CDH22: variants seen among roughly 807,000 people sequenced by gnomAD.
CDH22 encodes cadherin 22, also known as cadherin-22.
A neutral mutation model predicts 58.4 loss-of-function variants in CDH22; 30 were observed. The ratio of observed to expected loss-of-function variants is 0.51; its 90% CI spans 0.38 to 0.70. The LOEUF (loss-of-function observed/expected upper bound fraction) is 0.70. Among genes scored for constraint, CDH22 ranks in the 30% least tolerant of loss-of-function variants. The pLI, the probability that CDH22 is intolerant of heterozygous loss-of-function variation, is 0.00. For missense variants in CDH22, 1,014 were observed against 1,233.9 expected (o/e 0.82, Z 2.67); for synonymous variants, 513 against 558.2 (o/e 0.92, Z 1.14).
chr20:46,275,394 C>T (rs952690001), intron 1 of CDH22, among the ~76,000 whole-genome samples: 2 of 152,224 alleles, frequency 1.3e-5, no homozygotes, highest in African/African-American at 4.8e-5. Context: ...GCAACCCGAC[C>T]ACTCCACCTA....
At chr20:46,268,309 C>G (rs1426420534) in intron 1 of CDH22, among the ~76,000 whole-genome samples, 1 of 152,264 alleles carries the variant, frequency 6.6e-6, no homozygotes. Context: ...GCTGTGATCA[C>G]AGCAGGATCA....
At chr20:46,279,176 G>A (rs929237007) in intron 1 of CDH22, among the ~76,000 whole-genome samples, 6 of 152,184 alleles carry the variant, frequency 3.9e-5, no homozygotes, top group African/African-American at 7.2e-5. Context: ...ATGCGCACAC[G>A]CTCTCCTACA....
intron 1 of CDH22, among the ~76,000 whole-genome samples, chr20:46,303,034 G>A (rs1019031735): frequency 2.0e-5 from 3 of 152,064 alleles, no homozygotes; most frequent in Non-Finnish European, 4.4e-5. Context: ...GAATCTCCAC[G>A]CGCCACTCCC....
chr20:46,252,130 A>G (rs141833804), intron 1 of CDH22, among the ~76,000 whole-genome samples: 14 of 151,968 alleles, frequency 9.2e-5, no homozygotes, highest in South Asian at 2.1e-4. Context: ...CTTGGTGCAC[A>G]GAAGTCCAGC....
At chr20:46,202,052 G>C (rs1367356077) in intron 7 of CDH22, among the ~76,000 whole-genome samples, 3 of 152,144 alleles carry the variant, frequency 2.0e-5, no homozygotes, top group Admixed American at 6.5e-5. Flanking sequence ...CCATTTTACA[G>C]ATGAAGACAC....
chr20:46,301,529 G>T (rs1204576733), intron 1 of CDH22, among the ~76,000 whole-genome samples: 1 of 151,380 alleles, frequency 6.6e-6, no homozygotes, highest in Non-Finnish European at 1.5e-5. Flanking sequence ...GTATATATAT[G>T]GCTGGGTGCG....
intron 10 of CDH22, among the ~76,000 whole-genome samples, chr20:46,183,817 C>G (rs117606004): frequency 6.6e-6 from 1 of 152,092 alleles, no homozygotes; most frequent in African/African-American, 2.4e-5. Flanking sequence ...GGATCCCAGA[C>G]CTGTTCCAAG....
chr20:46,188,577 T>C (rs112064435), intron 8 of CDH22, among the ~76,000 whole-genome samples: 25 of 152,316 alleles, frequency 1.6e-4, no homozygotes, highest in African/African-American at 5.8e-4. Flanking sequence ...GCAGGGCATT[T>C]GAAACTGTGT....
Position 46,199,487 on chromosome 20 carries a change from A to G in CDH22, c.1359T>C (p.Thr453=). The change falls in exon 8 of 12, where the codon ACT becomes ACC. Residue 453 remains threonine (T), a synonymous_variant. Coordinates refer to ENST00000537909, the MANE Select transcript of CDH22 (RefSeq NM_021248.3). ...DIDADTGAIV[T]GKGLDRETAG... is the part of the protein sequence containing the mutation. Reference sequence around the variant, plus strand: ...CCGTCTCGCGGTCCAGCCCCTTGCCAGTCACGATGGCGCCTGTGTCCGCAT... The same window carrying G: ...CCGTCTCGCGGTCCAGCCCCTTGCCGGTCACGATGGCGCCTGTGTCCGCAT... 1.2e-6 allele frequency: 2 copies of G among 1,613,876 alleles called. No homozygotes were observed. The highest frequency in any genetic ancestry group is 1.7e-6 in the Non-Finnish European group (2 of 1,179,982).
intron 2 of CDH22, among the ~76,000 whole-genome samples, chr20:46,244,111 G>A (rs1047413364): frequency 9.9e-5 from 15 of 152,168 alleles, no homozygotes; most frequent in Non-Finnish European, 1.9e-4. Context: ...CTCTGTTAAT[G>A]GTTGTTTCCT....
intron 10 of CDH22, among the ~76,000 whole-genome samples, chr20:46,184,737 T>G (rs1232570583): frequency 2.0e-5 from 3 of 152,166 alleles, no homozygotes; most frequent in East Asian, 3.9e-4. Context: ...TATATCTTGG[T>G]GGCCCTTATC....
At chr20:46,293,314 G>C (rs2086613435) in intron 1 of CDH22, among the ~76,000 whole-genome samples, 1 of 152,164 alleles carries the variant, frequency 6.6e-6, no homozygotes, top group Non-Finnish European at 1.5e-5. Flanking sequence ...TGAAGCTGCC[G>C]CTACAGGGAG....
At chr20:46,285,131 C>G (rs143185005) in intron 1 of CDH22, among the ~76,000 whole-genome samples, 3 of 152,320 alleles carry the variant, frequency 2.0e-5, no homozygotes, top group Admixed American at 6.5e-5. Flanking sequence ...TTCTGGGAAG[C>G]TTGCCTTTGC....
chr20:46,291,526 T>C (rs1394592957), intron 1 of CDH22, among the ~76,000 whole-genome samples: 2 of 152,228 alleles, frequency 1.3e-5, no homozygotes, highest in Non-Finnish European at 1.5e-5. Flanking sequence ...GCTCCAGAGC[T>C]GGCTCCAGGC....
At chr20:46,225,596 G>T (rs1023367643) in intron 4 of CDH22, among the ~76,000 whole-genome samples, 2 of 152,190 alleles carry the variant, frequency 1.3e-5, no homozygotes, top group Non-Finnish European at 2.9e-5. Flanking sequence ...CTAGGTGGCT[G>T]GGGGACTGGA....
intron 1 of CDH22, among the ~76,000 whole-genome samples, chr20:46,255,394 C>T (rs1178705764): frequency 2.0e-5 from 3 of 152,208 alleles, no homozygotes; most frequent in African/African-American, 4.8e-5. Flanking sequence ...GTGCCTCAAA[C>T]GTGGGACTTG....
At position 46,241,615 on chromosome 20, in the gene CDH22, G is replaced by A. The variant is rs922479687; in HGVS notation, c.256-358C>T. ...TCCACACCTCTCTCCCCTTTAGCAC[G>A]CACAGCTCTGAGGCTTCTGCCTTGA... On this transcript the variant is annotated intron_variant, in intron 2 of 11. Transcript: ENST00000537909. This position sits in a 1 kb window ranked among gnomAD's most constrained non-coding sequence, Gnocchi z 5.2. Among the ~76,000 whole-genome samples, 1 of 152,128 alleles carries A rather than the reference G, an allele frequency of 6.6e-6. No individual in the cohort carries two copies. The highest frequency in any genetic ancestry group is 2.4e-5 in the African/African-American group (1 of 41,420).
At chr20:46,207,740 C>T (rs551268699) in intron 7 of CDH22, among the ~76,000 whole-genome samples, 2 of 152,348 alleles carry the variant, frequency 1.3e-5, no homozygotes, top group South Asian at 2.1e-4. Context: ...TCTTCAGGCA[C>T]ACCAACCACT....
chr20:46,243,240 C>G (rs1173912243), intron 2 of CDH22, among the ~76,000 whole-genome samples: 1 of 152,244 alleles, frequency 6.6e-6, no homozygotes, highest in African/African-American at 2.4e-5. Context: ...GGTATAAATT[C>G]TGCTGGTAGA....
Sources: allele counts gnomAD v4.1 joint callset (sites outside exome capture counted in the v4.1 genomes callset), GRCh38; gene constraint gnomAD v4.1.1; non-coding constraint Gnocchi (gnomAD v3.1); transcripts MANE v1.5; gene names NCBI Gene and HGNC (gene_info 2026-07-23, HGNC 2026-07-21).